The following AKAP13 variants were observed in gnomAD, a reference collection of about 807,000 sequenced individuals.
AKAP13 encodes A-kinase anchoring protein 13.
In AKAP13, 80 loss-of-function variants were observed where a neutral mutation model predicts 264.5. That is an observed-to-expected ratio of 0.30 (90% CI 0.25 to 0.36). The LOEUF is 0.36. Among genes scored for constraint, AKAP13 ranks in the 10% least tolerant of loss-of-function variants. The pLI is 1.00. For synonymous variants in AKAP13, 1,380 were observed against 1,250.2 expected (o/e 1.10, Z -2.19); for missense variants, 3,712 against 3,435.2 (o/e 1.08, Z -2.01).
At chr15:85,686,465 C>G (rs576354770) in intron 16 of AKAP13, among the ~76,000 whole-genome samples, 1 of 152,112 alleles carries the variant, frequency 6.6e-6, no homozygotes, top group East Asian at 1.9e-4. Flanking sequence ...AAACGTGCCA[C>G]AAGAATTGTG....
chr15:85,477,636 GGAAAAAA>G (rs1347636896), intron 1 of AKAP13, among the ~76,000 whole-genome samples: 25 of 34,310 alleles, frequency 7.3e-4, no homozygotes, highest in Admixed American at 4.1e-3. Context: ...CTTAAAAAAA[GGAAAAAA>G]AAAAAAAAAA....
chr15:85,462,187 A>T (rs1001619065), intron 1 of AKAP13, among the ~76,000 whole-genome samples: 2 of 152,208 alleles, frequency 1.3e-5, no homozygotes, highest in African/African-American at 2.4e-5. Flanking sequence ...CTCATGTGAC[A>T]GCTGGAAGTC....
chr15:85,382,990 G>A (rs1283434167), intron 1 of AKAP13, among the ~76,000 whole-genome samples: 1 of 152,022 alleles, frequency 6.6e-6, no homozygotes, highest in South Asian at 2.1e-4. Flanking sequence ...AAAGAAGTGG[G>A]TTTAACTAGC....
At chr15:85,597,429 T>G (rs2079867969) in intron 8 of AKAP13, among the ~76,000 whole-genome samples, 1 of 152,156 alleles carries the variant, frequency 6.6e-6, no homozygotes, top group African/African-American at 2.4e-5. Context: ...TGCTGGAGAT[T>G]CTTAAATAGG....
chr15:85,481,396 A>C (rs913186544), intron 1 of AKAP13, among the ~76,000 whole-genome samples: 1 of 152,192 alleles, frequency 6.6e-6, no homozygotes, highest in Non-Finnish European at 1.5e-5. Context: ...CTAATCAACA[A>C]CACCAGAAGA....
intron 3 of AKAP13, among the ~76,000 whole-genome samples, chr15:85,526,248 T>G (rs889422022): frequency 2.1e-4 from 32 of 152,020 alleles, no homozygotes; most frequent in African/African-American, 6.8e-4. Flanking sequence ...GTCTTTCTTT[T>G]TCTTTCTCTC....
At chr15:85,585,520 C>T (rs550271273) in intron 7 of AKAP13, among the ~76,000 whole-genome samples, 182 bp from the exon 8 acceptor site, 1 of 152,130 alleles carries the variant, frequency 6.6e-6, no homozygotes, top group Non-Finnish European at 1.5e-5. Context: ...AGTAACCATG[C>T]GATAAAGGAA....
intron 11 of AKAP13, among the ~76,000 whole-genome samples, chr15:85,656,886 A>G (rs1356375338): frequency 6.6e-6 from 1 of 152,224 alleles, no homozygotes; most frequent in Non-Finnish European, 1.5e-5. Flanking sequence ...AGTAAAACAG[A>G]TAAGGGATGA....
At chr15:85,560,165 A>C (rs56024556) in intron 5 of AKAP13, among the ~76,000 whole-genome samples, 42,998 of 145,312 alleles carry the variant, frequency 0.3, 6,715 homozygotes, top group African/African-American at 0.34. Flanking sequence ...AAACAGTAAA[A>C]ATAAAATAAT....
Position 85,469,266 on chromosome 15 carries a change from T to G in AKAP13, c.-11-16444T>G, listed in dbSNP as rs189052875. 5.7e-4 allele frequency among the ~76,000 whole-genome samples: 86 copies of G among 151,998 alleles called. 1 individual carries two copies. Among genetic ancestry groups the G allele is most frequent in the African/African-American group, 1.3e-3 (54 of 41,382 alleles). On this transcript the variant is annotated intron_variant, in intron 1 of 36. Coordinates refer to ENST00000394518, the MANE Select transcript of AKAP13 (RefSeq NM_007200.5). ...ATGAGAGATGTCATGTGCGGATATA[T>G]GTCCTATTGCAACCAGAAAGTGCCT...
chr15:85,507,469 C>T (rs971223852), intron 2 of AKAP13, among the ~76,000 whole-genome samples: 4 of 151,566 alleles, frequency 2.6e-5, no homozygotes, highest in African/African-American at 9.7e-5. Context: ...TCTGAGTCTT[C>T]ACAGATAAAG....
chr15:85,483,632 C>CAAAAAAAA (rs35648447), intron 1 of AKAP13, among the ~76,000 whole-genome samples: 3,367 of 57,552 alleles, frequency 0.059, 235 homozygotes, highest in Non-Finnish European at 0.082. Context: ...GACTCCGTCT[C>CAAAAAAAA]AAAAAAAAAA....
intron 1 of AKAP13, among the ~76,000 whole-genome samples, chr15:85,388,573 T>G (rs2070701815): frequency 2.0e-5 from 3 of 152,180 alleles, no homozygotes; most frequent in Admixed American, 2.0e-4. Flanking sequence ...TTATCATGAA[T>G]AGATATTGAA....
At chr15:85,604,104 A>G (rs1240816248) in intron 8 of AKAP13, among the ~76,000 whole-genome samples, 1 of 152,148 alleles carries the variant, frequency 6.6e-6, no homozygotes, top group Non-Finnish European at 1.5e-5. Context: ...TTTGTTAAGT[A>G]TTGCTTCAGC....
chr15:85,618,828 C>T (rs1465761551), intron 8 of AKAP13, among the ~76,000 whole-genome samples: 1 of 152,162 alleles, frequency 6.6e-6, no homozygotes, highest in Non-Finnish European at 1.5e-5. Context: ...ACTCCATCAT[C>T]CCTTCTCCCT....
intron 1 of AKAP13, among the ~76,000 whole-genome samples, chr15:85,403,834 G>A (rs888037698): frequency 3.7e-5 from 5 of 135,542 alleles, no homozygotes; most frequent in African/African-American, 1.5e-4. Context: ...GGCAACAAGA[G>A]CAAAACTCCT....
chr15:85,451,949 C>G (rs1357553647), intron 1 of AKAP13, among the ~76,000 whole-genome samples: 2 of 152,044 alleles, frequency 1.3e-5, no homozygotes, highest in African/African-American at 4.8e-5. Context: ...GGATGATACC[C>G]TGAAACATAT....
intron 1 of AKAP13, among the ~76,000 whole-genome samples, chr15:85,382,783 G>T (rs1424514821): frequency 6.6e-6 from 1 of 152,152 alleles, no homozygotes; most frequent in African/African-American, 2.4e-5. Context: ...CTCTTTGCCG[G>T]TAGTCTTAAC....
At chr15:85,381,520 G>GTTTTTTT (rs1567029535) in intron 1 of AKAP13, among the ~76,000 whole-genome samples, 1 of 44,758 alleles carries the variant, frequency 2.2e-5, no homozygotes, top group Admixed American at 2.3e-4. Flanking sequence ...ACGGTTTACT[G>GTTTTTTT]CTTTTTTTTT....
Sources: allele counts gnomAD v4.1 joint callset (sites outside exome capture counted in the v4.1 genomes callset), GRCh38; gene constraint gnomAD v4.1.1; transcripts MANE v1.5; gene names NCBI Gene and HGNC (gene_info 2026-07-23, HGNC 2026-07-21).